ACTN3: variants seen among roughly 807,000 people sequenced by gnomAD.
The protein encoded by ACTN3 is actinin alpha 3, also known as alpha-actinin-3.
A neutral mutation model predicts 119.6 loss-of-function variants in ACTN3; 91 were observed. That is an observed-to-expected ratio of 0.76 (90% CI 0.64 to 0.91). The LOEUF is 0.91. ACTN3 is among the 40% of genes least tolerant of loss of function. ACTN3 has a pLI of 0.00. For synonymous variants in ACTN3, 456 were observed against 478.8 expected, an observed-to-expected ratio of 0.95 and a Z score of 0.62; for missense variants, 1,221 against 1,215.1, an observed-to-expected ratio of 1.00 and a Z score of -0.07.
chr11:66,561,994 T>C (rs368313316), intron 17 of ACTN3, 28 bp from the exon 18 acceptor site: 16 of 1,584,720 alleles, frequency 1.0e-5, no homozygotes, highest in Admixed American at 1.8e-5. Context: ...GGCCGCCCAC[T>C]GACAGTGGCC....
At position 66,557,879 on chromosome 11, in the gene ACTN3, C is replaced by T. The variant is rs371613741; in HGVS notation, c.1078C>T (p.Arg360Trp). ...CTTCAACACACTGCAGACCAAGTTG[C>T]GGCTCAGCCACCGGCCTGCCTTCAT... is the stretch of plus-strand genomic sequence containing the variant. ...INFNTLQTKL[R>W]LSHRPAFMPS... Residue 360 changes from arginine to tryptophan, a missense_variant, in exon 10 of 21, where the codon CGG (arginine) becomes TGG (tryptophan). Coordinates refer to ENST00000513398, the MANE Select transcript of ACTN3 (RefSeq NM_001104.4). 12 of 1,613,954 alleles carry T rather than the reference C, an allele frequency of 7.4e-6. No homozygotes were observed. Among genetic ancestry groups the T allele is most frequent in the East Asian group, 2.2e-5 (1 of 44,892 alleles).
At chr11:66,555,746 A>G (rs1590807048) in intron 7 of ACTN3, among the ~76,000 whole-genome samples, 1 of 152,242 alleles carries the variant, frequency 6.6e-6, no homozygotes, top group Non-Finnish European at 1.5e-5. Context: ...TCTACTATGC[A>G]TGATGCCCAG....
At chr11:66,558,654 C>T (rs1166562369) in intron 11 of ACTN3, among the ~76,000 whole-genome samples, 1 of 152,166 alleles carries the variant, frequency 6.6e-6, no homozygotes, top group Non-Finnish European at 1.5e-5. Context: ...AGGAATGAGC[C>T]ACCGCACACC....
rs755957473 is a variant in ACTN3, at chr11:66,561,686, A to C, written c.2175+49A>C. The C allele has an allele frequency of 7.0e-6, 11 of 1,562,186 alleles. No individual in the cohort carries two copies. The African/African-American group carries it at 9.4e-5, about 13-fold the overall frequency. Reference sequence around the variant, plus strand: ...AGTGGGGAGGCAGCACTGGCTGAGGAGGCCCAGGGAGATCACAGCTGGACA... The same window carrying C: ...AGTGGGGAGGCAGCACTGGCTGAGGCGGCCCAGGGAGATCACAGCTGGACA... On this transcript the variant is annotated intron_variant, in intron 17 of 20. Coordinates refer to ENST00000513398, the MANE Select transcript of ACTN3 (RefSeq NM_001104.4).
chr11:66,552,212 T>C (rs1027441981), intron 3 of ACTN3, among the ~76,000 whole-genome samples: 1 of 151,324 alleles, frequency 6.6e-6, no homozygotes, highest in African/African-American at 2.4e-5. Flanking sequence ...ACCCTGTCTC[T>C]ACTAAAAATA....
intron 1 of ACTN3, among the ~76,000 whole-genome samples, chr11:66,547,938 C>A (rs889216827): frequency 5.9e-5 from 9 of 152,110 alleles, no homozygotes; most frequent in African/African-American, 1.9e-4. Flanking sequence ...GTAGAGGGGG[C>A]AGGACACCTG....
chr11:66,561,108 A>G lies in ACTN3; in HGVS notation c.1861-119A>G. ...GACTTGCCCAAGAGCTTTCTCGTAT[A>G]TCCCAGACAAGTTGGCTCAAAGCAA... On this transcript the variant is annotated intron_variant, in intron 15 of 20. Transcript: ENST00000513398. 5 of 1,358,984 alleles carry G rather than the reference A, an allele frequency of 3.7e-6. No homozygotes were observed. The South Asian group carries it at 6.3e-5, about 17-fold the overall frequency. 84.2% of individuals were successfully genotyped at this position (1,358,984 alleles called of 1,614,324 possible).
intron 1 of ACTN3, among the ~76,000 whole-genome samples, chr11:66,548,247 C>T (rs1231249922): frequency 6.6e-6 from 1 of 152,018 alleles, no homozygotes. Context: ...CCCTTAGGCT[C>T]CCCCTGCACC....
chr11:66,555,305 T>C lies in ACTN3; in HGVS notation c.656T>C (p.Leu219Pro). 1 of 1,614,084 alleles carries C rather than the reference T, an allele frequency of 6.2e-7. No individual in the cohort carries two copies. Among genetic ancestry groups the C allele is most frequent in the Non-Finnish European group, 8.5e-7 (1 of 1,179,970 alleles). Reference protein sequence around the residue: ...KLRKDDPIGNLNTAFEVAEKY... With the variant: ...KLRKDDPIGNPNTAFEVAEKY... ...TTCTAGGATGACCCCATCGGAAACC[T>C]GAACACTGCCTTTGAGGTGGCAGAG... The change falls in exon 7 of 21, where the codon CTG becomes CCG. Residue 219 changes from leucine (L) to proline (P), a missense_variant. By Grantham distance (98) the Leu-to-Pro change is moderately conservative (BLOSUM62 -3). Transcript: ENST00000513398.
intron 3 of ACTN3, among the ~76,000 whole-genome samples, chr11:66,551,901 C>T (rs1027859449): frequency 2.6e-5 from 4 of 152,016 alleles, no homozygotes; most frequent in East Asian, 1.9e-4. Flanking sequence ...CATGGCAAAA[C>T]CCTATTTCTA....
intron 3 of ACTN3, 153 bp downstream of exon 3, chr11:66,551,800 G>C (rs1305818845): frequency 9.8e-6 from 7 of 711,890 alleles, no homozygotes; most frequent in African/African-American, 1.9e-5. Context: ...TGCCAGCCAG[G>C]CACGGTGGCT....
Position 66,556,218 on chromosome 11 carries a change from C to T in ACTN3, c.792C>T (p.Ala264=), listed in dbSNP as rs531029443. Residue 264 remains alanine (A), a synonymous_variant, in exon 8 of 21, where the codon GCC becomes GCT. Transcript: ENST00000513398. ...TGTCCTGCTTCTACCATGCCTTTGC[C>T]GGGGCTGAGCAGGTAAGGCGGCCCA... ...TYVSCFYHAF[A]GAEQAETAAN... 69 of 1,613,754 alleles carry T rather than the reference C, an allele frequency of 4.3e-5. No individual in the cohort carries two copies. Among genetic ancestry groups the T allele is most frequent in the Middle Eastern group, 1.6e-4 (1 of 6,062 alleles).
Position 66,551,807 on chromosome 11 carries a change from G to A in ACTN3, c.382+160G>A, listed in dbSNP as rs1396887644. 3 of 660,180 alleles carry A rather than the reference G, an allele frequency of 4.5e-6. No individual in the cohort carries two copies. In the Admixed American group the frequency reaches 1.9e-4, roughly 42 times the overall value. The allele number at this position is 660,180 out of a possible 1,614,324, so 40.9% of individuals were successfully genotyped here. Reference sequence around the variant, plus strand: ...AGCCAGTATGCCAGCCAGGCACGGTGGCTCACGCCTGTAATCTCGGCACTT... The same window carrying A: ...AGCCAGTATGCCAGCCAGGCACGGTAGCTCACGCCTGTAATCTCGGCACTT... On this transcript the variant is annotated intron_variant, in intron 3 of 20. Transcript: ENST00000513398.
chr11:66,560,806 A>G (rs1857741813), intron 15 of ACTN3, 51 bp downstream of exon 15: 22 of 1,545,400 alleles, frequency 1.4e-5, no homozygotes, highest in Middle Eastern at 1.8e-4. Context: ...TACTGTGACC[A>G]CCCTGAAATC....
Position 66,557,113 on chromosome 11 carries a change from TCTGCCCA to T in ACTN3, c.805-17_805-11del. The stretch of plus-strand genomic sequence containing the variant: ...AAGCAATTTGCTTTAATGCCAGCCT[TCTGCCCA>T]CTCCCCCCACAGGCAGAGACAGCTG... On this transcript the variant is annotated splice_polypyrimidine_tract_variant and intron_variant, in intron 8 of 20. Coordinates refer to ENST00000513398, the MANE Select transcript of ACTN3 (RefSeq NM_001104.4). 1 of 1,550,074 alleles carries T rather than the reference TCTGCCCA, an allele frequency of 6.5e-7. No individual in the cohort carries two copies. Among genetic ancestry groups the T allele is most frequent in the Non-Finnish European group, 8.7e-7 (1 of 1,146,096 alleles).
chr11:66,561,373 G>A lies in ACTN3; in HGVS notation c.1995+12G>A, dbSNP rs371502365. On this transcript the variant is annotated intron_variant, in intron 16 of 20. Coordinates refer to ENST00000513398, the MANE Select transcript of ACTN3 (RefSeq NM_001104.4). ...AGGCGAAGGTGGAGGTAAGGGCTGG[G>A]ATAGTGGGTCCAACCTGGGGGGATG... is the stretch of plus-strand genomic sequence containing the variant. 4.4e-6 allele frequency: 7 copies of A among 1,608,704 alleles called. No individual in the cohort carries two copies. In the African/African-American group the frequency reaches 9.3e-5, roughly 21 times the overall value.
At chr11:66,560,925 A>G in intron 15 of ACTN3, 170 bp downstream of exon 15, 2 of 291,516 alleles carry the variant, frequency 6.9e-6, no homozygotes, top group African/African-American at 2.3e-5. Flanking sequence ...GCTCATCTGT[A>G]TATGATGAGC....
chr11:66,547,705 T>C (rs754926609), intron 1 of ACTN3, among the ~76,000 whole-genome samples: 1 of 152,100 alleles, frequency 6.6e-6, no homozygotes, highest in Non-Finnish European at 1.5e-5. Flanking sequence ...ACCCCAGGCA[T>C]GGGGCCCTGA....
In ACTN3 at chr11:66,555,130, C is replaced by G; in HGVS notation, c.558C>G (p.Ser186Arg). Residue 186 changes from serine (S) to arginine (R), a missense_variant and splice_region_variant, in exon 6 of 21, where the codon AGC becomes AGG. Physicochemically the swap from Ser to Arg is moderately radical, Grantham distance 110. This residue lies in a region of ACTN3 where 48 missense variants were observed against 83.4 expected (regional missense o/e 0.58). Coordinates refer to ENST00000513398, the MANE Select transcript of ACTN3 (RefSeq NM_001104.4). Reference sequence around the variant, plus strand: ...TGACCCCCCTCTTCTCTCTGTCCAGCTGGAAGGATGGCCTGGCCCTCTGTG... The same window carrying G: ...TGACCCCCCTCTTCTCTCTGTCCAGGTGGAAGGATGGCCTGGCCCTCTGTG... The part of the protein sequence containing the change: ...RNVNVQNFHT[S>R]WKDGLALCAL... 6.2e-7 allele frequency: 1 copy of G among 1,613,996 alleles called. No homozygotes were observed. The highest frequency in any genetic ancestry group is 1.1e-5 in the South Asian group (1 of 91,076).
Sources: gnomAD v4.1 joint callset for allele counts (sites outside exome capture counted in the v4.1 genomes callset) on GRCh38, gnomAD v4.1.1 for gene constraint, gnomAD v4.1.1 regional missense constraint, MANE v1.5 for transcripts, NCBI Gene and HGNC (gene_info 2026-07-23, HGNC 2026-07-21) for gene names.